Variants in EGFL7 observed in about 807,000 individuals in gnomAD.
EGFL7 encodes the protein epidermal growth factor-like protein 7.
Under a neutral mutation model 37.1 loss-of-function variants are expected in EGFL7, and 48 were observed. The observed-to-expected ratio is 1.29, with a 90% CI of 1.03 to 1.65. The LOEUF (loss-of-function observed/expected upper bound fraction) is 1.65, where lower values mean the gene tolerates loss of function less well. EGFL7 is among the 40% of genes most tolerant of loss of function. EGFL7 has a pLI of 0.00. For missense variants in EGFL7, 384 were observed against 378.9 expected (o/e 1.01, Z -0.11); for synonymous variants, 180 against 156.8 (o/e 1.15, Z -1.10).
upstream of EGFL7, chr9:136,659,354 C>T (rs1845000651): frequency 6.6e-6 from 1 of 152,314 alleles, no homozygotes; most frequent in East Asian, 1.9e-4. Flanking sequence ...CCGGGGGGCG[C>T]TCGGGGTAAA....
upstream of EGFL7, among the ~76,000 whole-genome samples, chr9:136,662,738 G>A (rs1160919844): frequency 1.3e-5 from 2 of 152,048 alleles, no homozygotes; most frequent in African/African-American, 4.8e-5. Context: ...CCCACCCCTG[G>A]GCAGTTTGTC....
rs780383344 is a variant in EGFL7, at chr9:136,669,989, G to A, written c.389G>A (p.Arg130Gln). 33 of 1,599,898 alleles carry A rather than the reference G, an allele frequency of 2.1e-5. No homozygotes were observed. Among genetic ancestry groups the A allele is most frequent in the African/African-American group, 5.4e-5 (4 of 74,756 alleles). ...PGRCRCPAGWRGDTCQSDVDE... is the reference protein window; with the variant it reads ...PGRCRCPAGWQGDTCQSDVDE... ...CGCTGCCGCTGCCCTGCAGGATGGC[G>A]GGGTGACACTTGCCAGTCAGGTGAG... The change falls in exon 7 of 11, where the codon CGG becomes CAG. Residue 130 changes from arginine (R) to glutamine (Q), a missense_variant. By Grantham distance (43) the Arg-to-Gln change is conservative. Coordinates refer to ENST00000308874, the MANE Select transcript of EGFL7 (RefSeq NM_016215.5).
upstream of EGFL7, among the ~76,000 whole-genome samples, chr9:136,660,915 C>G (rs186159421): frequency 2.2e-4 from 34 of 152,280 alleles, no homozygotes; most frequent in Non-Finnish European, 4.1e-4. Context: ...CCTCTGTACA[C>G]AGAAAGGGCT....
intron 7 of EGFL7, 75 bp downstream of exon 7, chr9:136,670,084 G>A (rs1223873344): frequency 1.2e-6 from 2 of 1,603,580 alleles, no homozygotes; most frequent in Non-Finnish European, 1.7e-6. Context: ...GTTACTGCTG[G>A]CCCATGAGTG....
intron 3 of EGFL7, among the ~76,000 whole-genome samples, chr9:136,667,355 G>A (rs1335660923): frequency 1.3e-5 from 2 of 152,210 alleles, no homozygotes; most frequent in Non-Finnish European, 2.9e-5. Context: ...GAGGCCCTGG[G>A]TGGGACCCTG....
chr9:136,672,033 C>A lies in EGFL7; in HGVS notation c.744C>A (p.Gly248=). ...TGGTGCACTCCTTCCAGCAGCTCGG[C>A]CGCATCGACTCCCTGAGCGAGCAGA... ...SLLVHSFQQL[G]RIDSLSEQIS... Residue 248 remains glycine (G), a synonymous_variant, in exon 10 of 11, where the codon GGC becomes GGA. Coordinates refer to ENST00000308874, the MANE Select transcript of EGFL7 (RefSeq NM_016215.5). 1 of 1,545,186 alleles carries A rather than the reference C, an allele frequency of 6.5e-7. No individual in the cohort carries two copies. Among genetic ancestry groups the A allele is most frequent in the Non-Finnish European group, 8.7e-7 (1 of 1,146,876 alleles).
At position 136,670,750 on chromosome 9, in the gene EGFL7, C is replaced by G. The variant is rs530766215; in HGVS notation, c.572-200C>G. 4.1e-6 allele frequency: 3 copies of G among 736,162 alleles called. No individual in the cohort carries two copies. The East Asian group carries it at 7.8e-5, about 19-fold the overall frequency. 45.6% of individuals were successfully genotyped at this position (736,162 alleles called of 1,614,324 possible). ...CCCTCAGCGTGGCCGGGACCCTGAGCCTCTGCGCAGAGCCACCCGCCCCGA... is the reference window on the plus strand; with the variant it reads ...CCCTCAGCGTGGCCGGGACCCTGAGGCTCTGCGCAGAGCCACCCGCCCCGA... On this transcript the variant is annotated intron_variant, in intron 8 of 10. Coordinates refer to ENST00000308874, the MANE Select transcript of EGFL7 (RefSeq NM_016215.5).
intron 8 of EGFL7, chr9:136,670,575 G>A (rs374836533): frequency 7.3e-5 from 57 of 783,082 alleles, no homozygotes; most frequent in Non-Finnish European, 1.2e-4. Context: ...TGCATCCAGC[G>A]CAGCATTCTG....
rs1189402426 is a variant in EGFL7 at position 136,666,221 on chromosome 9, C to A, written c.-43+1436C>A. On this transcript the variant is annotated intron_variant, in intron 3 of 10. Coordinates refer to ENST00000308874, the MANE Select transcript of EGFL7 (RefSeq NM_016215.5). The surrounding 1 kb of genome is among the most constrained non-coding windows in gnomAD (Gnocchi z 6.8). Reference sequence around the variant, plus strand: ...AGCGCGGCTGGGAGGGGGCGGCGGGCAGGTCCGTCTCGCTCCGCCTCTGCG... The same window carrying A: ...AGCGCGGCTGGGAGGGGGCGGCGGGAAGGTCCGTCTCGCTCCGCCTCTGCG... 1.3e-5 allele frequency among the ~76,000 whole-genome samples: 2 copies of A among 151,296 alleles called. No individual in the cohort carries two copies. Among genetic ancestry groups the A allele is most frequent in the African/African-American group, 2.4e-5 (1 of 41,352 alleles).
chr9:136,667,611 G>A (rs948007298), intron 3 of EGFL7, among the ~76,000 whole-genome samples: 27 of 152,302 alleles, frequency 1.8e-4, no homozygotes, highest in African/African-American at 6.3e-4. Context: ...ATCCCTGGAG[G>A]CTGATTGCAC....
chr9:136,671,036 G>GTT, intron 9 of EGFL7, 22 bp downstream of exon 9: 12 of 966,060 alleles, frequency 1.2e-5, no homozygotes, highest in Non-Finnish European at 1.8e-5. Context: ...GTGGGGGGGG[G>GTT]GGGGGGCAGG....
chr9:136,670,123 G>A, intron 7 of EGFL7, 46 bp from the exon 8 acceptor site: 1 of 1,611,470 alleles, frequency 6.2e-7, no homozygotes, highest in Non-Finnish European at 8.5e-7. Context: ...TGTGTGGGCA[G>A]GACCCCTCCC....
In EGFL7 at chr9:136,670,017, T is replaced by TAGGAGGGGC; in HGVS notation, c.409+8_409+9insAGGAGGGGC. The TAGGAGGGGC allele has an allele frequency of 1.3e-6, 2 of 1,592,324 alleles. No individual in the cohort carries two copies. The highest frequency in any genetic ancestry group is 1.3e-5 in the African/African-American group (1 of 74,760). Reference sequence around the variant, plus strand: ...GTGACACTTGCCAGTCAGGTGAGGCTGGCTCTACCCTGGGGGGCCCTGGAA... The same window carrying TAGGAGGGGC: ...GTGACACTTGCCAGTCAGGTGAGGCTAGGAGGGGCGGCTCTACCCTGGGGGGCCCTGGAA... On this transcript the variant is annotated intron_variant, in intron 7 of 10. Coordinates refer to ENST00000308874, the MANE Select transcript of EGFL7 (RefSeq NM_016215.5).
rs981707548 is a variant in EGFL7 at position 136,666,051 on chromosome 9, G to T, written c.-43+1266G>T. On this transcript the variant is annotated intron_variant, in intron 3 of 10. Transcript: ENST00000308874. This position sits in a 1 kb window ranked among gnomAD's most constrained non-coding sequence, Gnocchi z 6.8. ...ATGGGCCCAGCGGCCCCGGGAACCG[G>T]CTCCCCCTGCCGGCGGCGGGCGGGC... Among the ~76,000 whole-genome samples the T allele has an allele frequency of 2.1e-5, 3 of 146,066 alleles. No homozygotes were observed. The highest frequency in any genetic ancestry group is 4.6e-5 in the Non-Finnish European group (3 of 65,744).
chr9:136,670,415 C>G, intron 8 of EGFL7, 85 bp downstream of exon 8: 1 of 1,439,460 alleles, frequency 6.9e-7, no homozygotes, highest in Non-Finnish European at 9.4e-7. Flanking sequence ...GTGGGGGGCA[C>G]TGGAATCTGG....
chr9:136,661,305 GGAGGGA>G (rs1845131289), upstream of EGFL7, among the ~76,000 whole-genome samples: 1 of 152,070 alleles, frequency 6.6e-6, no homozygotes, highest in African/African-American at 2.4e-5. Flanking sequence ...CCTGACAGCT[GGAGGGA>G]CAGGCTGGCC....
intron 3 of EGFL7, chr9:136,665,944 C>T (rs1381056344): frequency 3.4e-5 from 5 of 145,908 alleles, no homozygotes; most frequent in Admixed American, 6.8e-5. Flanking sequence ...GGGGGCGGCT[C>T]CGGGACGAGG....
At position 136,670,230 on chromosome 9, in the gene EGFL7, C is replaced by A; in HGVS notation, c.471C>A (p.Gly157=). Residue 157 remains glycine, a synonymous_variant, in exon 8 of 11, where the codon GGC becomes GGA. Coordinates refer to ENST00000308874, the MANE Select transcript of EGFL7 (RefSeq NM_016215.5). ...GCPQRCVNTA[G]SYWCQCWEGH... is the part of the protein sequence containing the mutation. ...CCCAGCGCTGCGTCAACACCGCCGG[C>A]AGTTACTGGTGCCAGTGTTGGGAGG... 6.2e-7 allele frequency: 1 copy of A among 1,612,612 alleles called. No individual in the cohort carries two copies. The highest frequency in any genetic ancestry group is 8.5e-7 in the Non-Finnish European group (1 of 1,179,836).
In EGFL7 at chr9:136,671,919, C is replaced by A; in HGVS notation, c.637-7C>A. Reference sequence around the variant, plus strand: ...GGCCCAGGGTCACTGCCCTTCTGCACCCACAGAAGCTGCAGCTGGTGCTGG... The same window carrying A: ...GGCCCAGGGTCACTGCCCTTCTGCAACCACAGAAGCTGCAGCTGGTGCTGG... On this transcript the variant is annotated splice_polypyrimidine_tract_variant and splice_region_variant and intron_variant, in intron 9 of 10. Transcript: ENST00000308874. 1 of 1,496,370 alleles carries A rather than the reference C, an allele frequency of 6.7e-7. No individual in the cohort carries two copies. The highest frequency in any genetic ancestry group is 8.9e-7 in the Non-Finnish European group (1 of 1,124,526). 92.7% of individuals were successfully genotyped at this position (1,496,370 alleles called of 1,614,324 possible).
Sources: gnomAD v4.1 joint callset for allele counts (sites outside exome capture counted in the v4.1 genomes callset) on GRCh38, gnomAD v4.1.1 for gene constraint, Gnocchi (gnomAD v3.1) non-coding constraint, MANE v1.5 for transcripts, NCBI Gene and HGNC (gene_info 2026-07-23, HGNC 2026-07-21) for gene names.